JPH2: variants seen among roughly 807,000 people sequenced by gnomAD.
JPH2 encodes junctophilin-2.
In JPH2, 38 loss-of-function variants were observed where a neutral mutation model predicts 55.9. The ratio of observed to expected loss-of-function variants is 0.68; its 90% CI spans 0.52 to 0.89. JPH2 has a LOEUF of 0.89. Ranked by LOEUF, JPH2 falls within the 40% of genes least tolerant of loss-of-function variation. JPH2 has a pLI of 0.00. For synonymous variants in JPH2, 480 were observed against 472.4 expected (o/e 1.02, Z -0.21); for missense variants, 964 against 1,037.6 (o/e 0.93, Z 0.97).
chr20:44,145,045 A>C (rs2072483882), intron 2 of JPH2, among the ~76,000 whole-genome samples: 1 of 152,194 alleles, frequency 6.6e-6, no homozygotes, highest in Non-Finnish European at 1.5e-5. Flanking sequence ...AGAGTGCAGG[A>C]CTAGAGCCCA....
At position 44,187,106 on chromosome 20, in the gene JPH2, C is replaced by T. The variant is rs41279278; in HGVS notation, c.-401G>A. On this transcript the variant is annotated 5_prime_UTR_variant, in exon 1 of 6. Coordinates refer to ENST00000372980, the MANE Select transcript of JPH2 (RefSeq NM_020433.5). ...AGCCTTTTCAAAGAGGGGAAATTCC[C>T]CTCGGTGGCAGCCCCCGCCGGAGGC... 0.19 allele frequency: 34,565 copies of T among 180,944 alleles called. 3,464 individuals carry two copies. The highest frequency in any genetic ancestry group is 0.21 in the African/African-American group (8,961 of 42,102). The allele number at this position is 180,944 out of a possible 1,614,324, so 11.2% of individuals were successfully genotyped here. A position where few individuals can be genotyped will look rare whatever the true frequency, so the allele number is the denominator to read the frequency against.
At chr20:44,140,292 G>A (rs1226113929) in intron 2 of JPH2, among the ~76,000 whole-genome samples, 1 of 152,156 alleles carries the variant, frequency 6.6e-6, no homozygotes, top group Non-Finnish European at 1.5e-5. Context: ...AACTGTGCAG[G>A]CCTGAGCCCA....
At chr20:44,169,006 C>T (rs1280113261) in intron 1 of JPH2, among the ~76,000 whole-genome samples, 3 of 152,144 alleles carry the variant, frequency 2.0e-5, no homozygotes, top group African/African-American at 4.8e-5. Context: ...CTTGCTTCCA[C>T]TCTTGCCATG....
Position 44,161,333 on chromosome 20 carries a change from C to T in JPH2, c.380-926G>A, listed in dbSNP as rs187284020. Among the ~76,000 whole-genome samples, 482 of 152,176 alleles carry T rather than the reference C, an allele frequency of 3.2e-3. 2 individuals are homozygous for T. Among genetic ancestry groups the T allele is most frequent in the Non-Finnish European group, 5.3e-3 (360 of 67,992 alleles). ...GCTAGTGGTGTGTACAAGGTGTCGGCAACTTAGGCCCTGCATGTACACAAG... is the reference window on the plus strand; with the variant it reads ...GCTAGTGGTGTGTACAAGGTGTCGGTAACTTAGGCCCTGCATGTACACAAG... On this transcript the variant is annotated intron_variant, in intron 1 of 5. Transcript: ENST00000372980.
intron 1 of JPH2, among the ~76,000 whole-genome samples, chr20:44,163,757 T>C (rs2072632955): frequency 1.3e-5 from 2 of 152,186 alleles, no homozygotes; most frequent in South Asian, 4.1e-4. Flanking sequence ...AGTGAAACTT[T>C]AAAAGAAAAC....
At position 44,115,949 on chromosome 20, in the gene JPH2, G is replaced by A. The variant is rs956983036; in HGVS notation, c.1726C>T (p.Pro576Ser). The A allele has an allele frequency of 6.4e-7, 1 of 1,568,586 alleles. No individual in the cohort carries two copies. The highest frequency in any genetic ancestry group is 8.6e-7 in the Non-Finnish European group (1 of 1,164,258). ...TGGTCCTCAAAGGGTGGGGGCTCGG[G>A]CGGCGTGGTGCGCACAGCATAGCTG... ...YHSYAVRTTP[P>S]EPPPFEDQPE... The change falls in exon 4 of 6, where the codon CCC becomes TCC. Residue 576 changes from proline (P) to serine (S), a missense_variant. Transcript: ENST00000372980.
intron 2 of JPH2, among the ~76,000 whole-genome samples, chr20:44,126,803 G>A (rs1157046048): frequency 6.6e-6 from 1 of 152,150 alleles, no homozygotes; most frequent in Non-Finnish European, 1.5e-5. Flanking sequence ...TGCCCTCCTG[G>A]GAAGCCCCTC....
At chr20:44,182,705 C>A (rs1177149203) in intron 1 of JPH2, among the ~76,000 whole-genome samples, 2 of 152,204 alleles carry the variant, frequency 1.3e-5, no homozygotes, top group Non-Finnish European at 2.9e-5. Flanking sequence ...CCTTCCTCTT[C>A]CGCCTCTGTT....
Position 44,134,867 on chromosome 20 carries a change from T to TATATATAAA in JPH2, c.1170-16245_1170-16244insTTTATATAT, listed in dbSNP as rs1343348188. On this transcript the variant is annotated intron_variant, in intron 2 of 5. Coordinates refer to ENST00000372980, the MANE Select transcript of JPH2 (RefSeq NM_020433.5). ...TGTTTATTATAAATATATATATAAATATATATATTTATATATATATTAATA... is the reference window on the plus strand; with the variant it reads ...TGTTTATTATAAATATATATATAAATATATATAAAATATATATTTATATATATATTAATA... Among the ~76,000 whole-genome samples, 10 of 21,910 alleles carry TATATATAAA rather than the reference T, an allele frequency of 4.6e-4. 1 individual carries two copies. Among genetic ancestry groups the TATATATAAA allele is most frequent in the African/African-American group, 2.4e-3 (10 of 4,210 alleles). The allele number at this position is 21,910 out of a possible 152,430, so 14.4% of individuals were successfully genotyped here. A position where few individuals can be genotyped will look rare whatever the true frequency, so the allele number is the denominator to read the frequency against.
chr20:44,148,674 C>T (rs535217548), intron 2 of JPH2, among the ~76,000 whole-genome samples: 1 of 152,260 alleles, frequency 6.6e-6, no homozygotes, highest in Admixed American at 6.5e-5. Context: ...CCCTTCTCCC[C>T]CACAATCTAA....
At chr20:44,130,065 CAACAA>C (rs3037629) in intron 2 of JPH2, among the ~76,000 whole-genome samples, 104,867 of 151,050 alleles carry the variant, frequency 0.69, 36,467 homozygotes, top group Admixed American at 0.77. Context: ...GTTACTGCAG[CAACAA>C]AACAAAACAA....
At chr20:44,178,260 G>T (rs1364969590) in intron 1 of JPH2, among the ~76,000 whole-genome samples, 1 of 152,090 alleles carries the variant, frequency 6.6e-6, no homozygotes, top group African/African-American at 2.4e-5. Context: ...CAAGGTAAAA[G>T]AATTCAAAGT....
rs191171572 is a variant in JPH2, at chr20:44,117,476, C to T, written c.1288+1029G>A. ...TGCTGCTCTGTCCGAGTTTCTGTGC[C>T]TTTGCACCTCCTCCACTCATCCCAC... On this transcript the variant is annotated intron_variant, in intron 3 of 5. Transcript: ENST00000372980. Among the ~76,000 whole-genome samples, 28 of 152,336 alleles carry T rather than the reference C, an allele frequency of 1.8e-4. No individual in the cohort carries two copies. In the East Asian group the frequency reaches 5.0e-3, roughly 27 times the overall value.
intron 2 of JPH2, among the ~76,000 whole-genome samples, chr20:44,134,791 T>A (rs2072391898): frequency 4.1e-5 from 4 of 96,984 alleles, no homozygotes; most frequent in Admixed American, 1.4e-4. Flanking sequence ...TATACATAAA[T>A]ATACATTTAT....
chr20:44,152,956 G>A (rs534375556), intron 2 of JPH2, among the ~76,000 whole-genome samples: 5 of 152,156 alleles, frequency 3.3e-5, no homozygotes, highest in South Asian at 2.1e-4. Flanking sequence ...TATTGATTTC[G>A]CATTTTCAAT....
At chr20:44,122,015 C>T (rs949284078) in intron 2 of JPH2, among the ~76,000 whole-genome samples, 1 of 152,014 alleles carries the variant, frequency 6.6e-6, no homozygotes, top group African/African-American at 2.4e-5. Context: ...AAAAAGAATT[C>T]ACCCAAGCTT....
chr20:44,158,614 G>C (rs1341944643), intron 2 of JPH2, among the ~76,000 whole-genome samples: 1 of 152,192 alleles, frequency 6.6e-6, no homozygotes, highest in Non-Finnish European at 1.5e-5. Context: ...TTTATCTGAA[G>C]CACAATGAGA....
chr20:44,186,428 C>T lies in JPH2; in HGVS notation c.278G>A (p.Arg93His), dbSNP rs1131692244. 14 of 1,613,968 alleles carry T rather than the reference C, an allele frequency of 8.7e-6. No homozygotes were observed. The highest frequency in any genetic ancestry group is 1.0e-5 in the Non-Finnish European group (12 of 1,179,946). ...GCTTGAGCTCTGCCGGATTCCGTAG[C>T]GTCCCTTGAAGCCATGTGTCCACTC... ...KGEWTHGFKG[R>H]YGIRQSSSSG... The change falls in exon 1 of 6, where the codon CGC becomes CAC. Residue 93 changes from arginine to histidine, a missense_variant. Physicochemically the swap from Arg to His is conservative, Grantham distance 29. Coordinates refer to ENST00000372980, the MANE Select transcript of JPH2 (RefSeq NM_020433.5).
intron 1 of JPH2, among the ~76,000 whole-genome samples, chr20:44,171,467 G>T (rs2072697619): frequency 6.6e-6 from 1 of 152,142 alleles, no homozygotes; most frequent in Non-Finnish European, 1.5e-5. Context: ...GTCTGAAGGG[G>T]TAGCCTAGAA....
Sources: gnomAD v4.1 joint callset for allele counts (sites outside exome capture counted in the v4.1 genomes callset) on GRCh38, gnomAD v4.1.1 for gene constraint, MANE v1.5 for transcripts, NCBI Gene and HGNC (gene_info 2026-07-23, HGNC 2026-07-21) for gene names.